Variants in IL1RAPL2 observed in about 807,000 individuals in gnomAD.
The protein encoded by IL1RAPL2 is interleukin 1 receptor accessory protein like 2.
Under a neutral mutation model 44.1 loss-of-function variants are expected in IL1RAPL2, and 3 were observed. The ratio of observed to expected loss-of-function variants is 0.07; its 90% confidence interval spans 0.03 to 0.18. The LOEUF is 0.18. Ranked by LOEUF, IL1RAPL2 falls within the 10% of genes least tolerant of loss-of-function variation. The pLI, the probability that IL1RAPL2 is intolerant of heterozygous loss-of-function variation, is 1.00. For synonymous variants in IL1RAPL2, 181 were observed against 178.8 expected (o/e 1.01, Z -0.10); for missense variants, 391 against 496.4 (o/e 0.79, Z 2.02).
At chrX:105,621,763 A>G (rs1241000579) in intron 6 of IL1RAPL2, among the ~76,000 whole-genome samples, 2 of 111,240 alleles carry the variant, frequency 1.8e-5, no homozygotes. Context: ...TTGACTTAAA[A>G]TATTTTAAGG....
At chrX:104,877,664 T>G (rs1007281408) in intron 2 of IL1RAPL2, among the ~76,000 whole-genome samples, 1 of 112,280 alleles carries the variant, frequency 8.9e-6, no homozygotes, top group South Asian at 3.7e-4. Context: ...GAATAATTTC[T>G]GAGTCAGATT....
chrX:104,653,527 G>C (rs780548996), intron 1 of IL1RAPL2, among the ~76,000 whole-genome samples: 1 of 111,491 alleles, frequency 9.0e-6, no homozygotes, highest in South Asian at 3.8e-4. Flanking sequence ...TTGTCAAAAC[G>C]TAGCCTTCTC....
At chrX:104,769,657 A>G (rs763495581) in intron 2 of IL1RAPL2, among the ~76,000 whole-genome samples, 30 of 112,156 alleles carry the variant, frequency 2.7e-4, no homozygotes, top group Admixed American at 2.0e-3. Flanking sequence ...AACGTGTTCA[A>G]CTGGCACTTG....
chrX:104,992,806 A>G (rs932323379), intron 2 of IL1RAPL2, among the ~76,000 whole-genome samples: 2 of 110,623 alleles, frequency 1.8e-5, no homozygotes, highest in Non-Finnish European at 1.9e-5. Context: ...TTGGTTTACA[A>G]TTATACCAAC....
chrX:105,013,883 C>T (rs1379303747), intron 2 of IL1RAPL2, among the ~76,000 whole-genome samples: 2 of 111,820 alleles, frequency 1.8e-5, no homozygotes, highest in African/African-American at 6.5e-5. Flanking sequence ...AAAAGTGTTA[C>T]ATGTATTTGT....
chrX:105,176,001 C>T (rs760957937), intron 2 of IL1RAPL2, among the ~76,000 whole-genome samples: 18 of 110,378 alleles, frequency 1.6e-4, no homozygotes, highest in South Asian at 7.6e-4. Context: ...ATAATAATAA[C>T]GTAAACACAA....
chrX:104,695,589 AG>A (rs1931167309), intron 2 of IL1RAPL2, among the ~76,000 whole-genome samples: 1 of 44,542 alleles, frequency 2.2e-5, no homozygotes, highest in African/African-American at 4.5e-5. Context: ...CCATAACATG[AG>A]TAGTAGCCAG....
chrX:105,378,384 G>C (rs1207171583), intron 5 of IL1RAPL2, among the ~76,000 whole-genome samples: 1 of 111,812 alleles, frequency 8.9e-6, no homozygotes, highest in Non-Finnish European at 1.9e-5. Context: ...TTCTAAGCTA[G>C]CAATTTAAGG....
chrX:104,603,975 G>A (rs1434312214), intron 1 of IL1RAPL2, among the ~76,000 whole-genome samples: 1 of 111,294 alleles, frequency 9.0e-6, no homozygotes, highest in Non-Finnish European at 1.9e-5. Flanking sequence ...GATACTCCTT[G>A]AGAAGAGCAA....
intron 5 of IL1RAPL2, among the ~76,000 whole-genome samples, chrX:105,282,697 A>G (rs1379147500): frequency 3.6e-5 from 4 of 111,680 alleles, no homozygotes; most frequent in Non-Finnish European, 5.6e-5. Context: ...CTCATCTTAC[A>G]GTGTCTGATA....
In IL1RAPL2 at chrX:105,093,811, G is replaced by A. The variant is rs575467825; in HGVS notation, c.83-101664G>A. Among the ~76,000 whole-genome samples the A allele has an allele frequency of 7.2e-5, 8 of 111,732 alleles. No individual in the cohort carries two copies. In the South Asian group the frequency reaches 1.1e-3, roughly 16 times the overall value. ...CCAGAGTTTAAATTCCAACTCCACCGTTAACTATGTGGCCATAGGAAAATT... is the reference window on the plus strand; with the variant it reads ...CCAGAGTTTAAATTCCAACTCCACCATTAACTATGTGGCCATAGGAAAATT... On this transcript the variant is annotated intron_variant, in intron 2 of 10. Transcript: ENST00000372582.
chrX:104,872,510 T>C (rs889770928), intron 2 of IL1RAPL2, among the ~76,000 whole-genome samples: 2 of 111,670 alleles, frequency 1.8e-5, no homozygotes, highest in African/African-American at 6.5e-5. Flanking sequence ...TTTGTCAAGG[T>C]CACAAGCTTG....
intron 5 of IL1RAPL2, among the ~76,000 whole-genome samples, chrX:105,438,224 T>C (rs1357158623): frequency 1.8e-5 from 2 of 111,677 alleles, no homozygotes; most frequent in Non-Finnish European, 3.8e-5. Context: ...ATTTGAGCAA[T>C]GGCACAGAGG....
chrX:105,552,789 G>A (rs990968184), intron 6 of IL1RAPL2, among the ~76,000 whole-genome samples: 1 of 111,839 alleles, frequency 8.9e-6, no homozygotes, highest in Non-Finnish European at 1.9e-5. Context: ...TAACAGATAC[G>A]TGTCTATAAT....
rs141574409 is a variant in IL1RAPL2 at position 105,758,542 on chromosome X, G to C, written c.1363+3195G>C. On this transcript the variant is annotated intron_variant, in intron 10 of 10. Transcript: ENST00000372582. ...CCCTACCAGGAATATGTTGTCCTTT[G>C]GCCATTGTGAACCAGCAGAGATGGG... Among the ~76,000 whole-genome samples, 948 of 111,114 alleles carry C rather than the reference G, an allele frequency of 8.5e-3. 36 individuals are homozygous for C. Among genetic ancestry groups the C allele is most frequent in the Admixed American group, 0.084 (871 of 10,352 alleles).
intron 2 of IL1RAPL2, among the ~76,000 whole-genome samples, chrX:105,073,300 T>C (rs1310004925): frequency 8.9e-5 from 9 of 100,630 alleles, no homozygotes; most frequent in Non-Finnish European, 1.6e-4. Flanking sequence ...CGGTGTTTGG[T>C]TTTTTGTCCT....
chrX:105,658,106 A>T (rs941373451), intron 6 of IL1RAPL2, among the ~76,000 whole-genome samples: 1 of 111,545 alleles, frequency 9.0e-6, no homozygotes, highest in African/African-American at 3.3e-5. Context: ...ATTAAAGTAC[A>T]TTAATAATGT....
intron 3 of IL1RAPL2, among the ~76,000 whole-genome samples, chrX:105,210,548 A>G (rs781921976): frequency 1.8e-5 from 2 of 111,255 alleles, no homozygotes; most frequent in East Asian, 5.7e-4. Context: ...AGTTGAGGCT[A>G]GGGATTTTGC....
At chrX:104,956,050 A>G (rs1184252251) in intron 2 of IL1RAPL2, among the ~76,000 whole-genome samples, 2 of 112,203 alleles carry the variant, frequency 1.8e-5, no homozygotes, top group Non-Finnish European at 3.8e-5. Context: ...AGTATTCTGT[A>G]GAAAACATGG....
Sources: allele counts gnomAD v4.1 joint callset (sites outside exome capture counted in the v4.1 genomes callset), GRCh38; gene constraint gnomAD v4.1.1; transcripts MANE v1.5; gene names NCBI Gene and HGNC (gene_info 2026-07-23, HGNC 2026-07-21).